TANGO6: variants seen among roughly 807,000 people sequenced by gnomAD.
TANGO6 encodes the protein transport and golgi organization 6 homolog.
A neutral mutation model predicts 114.2 loss-of-function variants in TANGO6; 90 were observed. That is an observed-to-expected ratio of 0.79 (90% CI 0.66 to 0.94). TANGO6 has a LOEUF of 0.94. Among genes scored for constraint, TANGO6 ranks in the 40% least tolerant of loss-of-function variants. TANGO6 has a pLI of 0.00. For synonymous variants in TANGO6, 477 were observed against 509.8 expected, an observed-to-expected ratio of 0.94 and a Z score of 0.87; for missense variants, 1,274 against 1,315.3, an observed-to-expected ratio of 0.97 and a Z score of 0.49.
chr16:69,014,479 C>G (rs1382064167), intron 15 of TANGO6, among the ~76,000 whole-genome samples: 1 of 152,164 alleles, frequency 6.6e-6, no homozygotes, highest in African/African-American at 2.4e-5. Flanking sequence ...GCCTGAATCA[C>G]ATGGGGAGGG....
chr16:68,947,283 G>A (rs551669072), intron 14 of TANGO6, among the ~76,000 whole-genome samples: 34 of 151,988 alleles, frequency 2.2e-4, no homozygotes, highest in East Asian at 7.8e-4. Context: ...TGGTGAAACC[G>A]TCTCTACTAA....
At chr16:69,039,420 A>G (rs1381107285) in intron 16 of TANGO6, among the ~76,000 whole-genome samples, 1 of 152,096 alleles carries the variant, frequency 6.6e-6, no homozygotes, top group African/African-American at 2.4e-5. Flanking sequence ...AGGATTGCAT[A>G]AGCCCAGGGG....
At chr16:69,012,745 G>A (rs1287541599) in intron 15 of TANGO6, among the ~76,000 whole-genome samples, 1 of 152,136 alleles carries the variant, frequency 6.6e-6, no homozygotes, top group Non-Finnish European at 1.5e-5. Context: ...GTCATTTAAT[G>A]CATATCTTTA....
chr16:68,990,790 T>C (rs1963939866), intron 15 of TANGO6, among the ~76,000 whole-genome samples: 2 of 152,176 alleles, frequency 1.3e-5, no homozygotes, highest in Non-Finnish European at 2.9e-5. Context: ...AGGATACATA[T>C]GCTGTGTTAA....
intron 1 of TANGO6, among the ~76,000 whole-genome samples, chr16:68,846,150 C>T (rs1238351063): frequency 2.6e-5 from 4 of 152,066 alleles, no homozygotes; most frequent in African/African-American, 4.8e-5. Flanking sequence ...CTCAGCCTCC[C>T]GAGTAGCTGG....
At chr16:68,875,681 A>G (rs1449204567) in intron 5 of TANGO6, among the ~76,000 whole-genome samples, 1 of 151,950 alleles carries the variant, frequency 6.6e-6, no homozygotes, top group Non-Finnish European at 1.5e-5. Flanking sequence ...AGGCAGGAGA[A>G]CGGATTGAAC....
At chr16:69,000,185 A>G (rs933907735) in intron 15 of TANGO6, among the ~76,000 whole-genome samples, 2 of 152,216 alleles carry the variant, frequency 1.3e-5, no homozygotes, top group Non-Finnish European at 2.9e-5. Context: ...CATACCAGTA[A>G]CACATTTATA....
At chr16:69,073,960 TAAAAA>T (rs145298162) in intron 17 of TANGO6, among the ~76,000 whole-genome samples, 2 of 131,636 alleles carry the variant, frequency 1.5e-5, no homozygotes, top group African/African-American at 2.8e-5. Flanking sequence ...GACTCCATCT[TAAAAA>T]AAAAAAAAAA....
chr16:68,900,762 C>T (rs959773267), intron 8 of TANGO6, among the ~76,000 whole-genome samples: 16 of 152,150 alleles, frequency 1.1e-4, no homozygotes, highest in Non-Finnish European at 2.1e-4. Flanking sequence ...AATGACTTTC[C>T]TCAGCCTCTG....
chr16:68,953,027 G>A (rs1963486396), intron 14 of TANGO6, among the ~76,000 whole-genome samples: 2 of 148,848 alleles, frequency 1.3e-5, no homozygotes, highest in Non-Finnish European at 3.0e-5. Context: ...GGCTTAAAAT[G>A]TTCATTCACT....
chr16:69,079,553 C>T (rs1960436006), intron 17 of TANGO6, among the ~76,000 whole-genome samples: 1 of 151,080 alleles, frequency 6.6e-6, no homozygotes, highest in Non-Finnish European at 1.5e-5. Flanking sequence ...ATATTTGCAA[C>T]TCATATGACA....
At chr16:68,999,754 T>G (rs9889174) in intron 15 of TANGO6, among the ~76,000 whole-genome samples, 13,036 of 152,214 alleles carry the variant, frequency 0.086, 640 homozygotes, top group African/African-American at 0.12. Flanking sequence ...ACAGAAAGGA[T>G]CAGCAGTGTT....
chr16:68,946,588 A>T (rs1292171086), intron 14 of TANGO6, among the ~76,000 whole-genome samples: 2 of 151,952 alleles, frequency 1.3e-5, no homozygotes, highest in African/African-American at 2.4e-5. Context: ...CCCCAGGCTT[A>T]CTACAGCCTT....
At chr16:68,868,152 A>G (rs1962209486) in intron 4 of TANGO6, among the ~76,000 whole-genome samples, 1 of 151,884 alleles carries the variant, frequency 6.6e-6, no homozygotes. Flanking sequence ...CTCAAAAAAA[A>G]AAAAAAAAAG....
chr16:68,872,532 C>A (rs961592793), intron 4 of TANGO6, among the ~76,000 whole-genome samples: 1 of 151,870 alleles, frequency 6.6e-6, no homozygotes. Flanking sequence ...GAACTCCTGA[C>A]CTCAGGTGAT....
In TANGO6 at chr16:68,970,054, C is replaced by T. The variant is rs1009655330; in HGVS notation, c.2702-3974C>T. Among the ~76,000 whole-genome samples, 4 of 152,124 alleles carry T rather than the reference C, an allele frequency of 2.6e-5. No individual in the cohort carries two copies. The East Asian group carries it at 7.7e-4, about 29-fold the overall frequency. ...GGGTTTCAGGATCGAATCTCATTCC[C>T]TGTTCCTGAACCAGTCATGGTGGTG... On this transcript the variant is annotated intron_variant, in intron 14 of 17. Coordinates refer to ENST00000261778, the MANE Select transcript of TANGO6 (RefSeq NM_024562.2).
intron 2 of TANGO6, among the ~76,000 whole-genome samples, chr16:68,862,301 G>A (rs1193654484): frequency 2.0e-5 from 3 of 152,060 alleles, no homozygotes; most frequent in Admixed American, 1.3e-4. Flanking sequence ...TGTAACCTCC[G>A]CCTCCCGGGT....
At chr16:68,978,644 C>T (rs1428293282) in intron 15 of TANGO6, among the ~76,000 whole-genome samples, 1 of 152,054 alleles carries the variant, frequency 6.6e-6, no homozygotes, top group Non-Finnish European at 1.5e-5. Context: ...CTTGGTAAAG[C>T]TTCTCTAATA....
chr16:68,852,872 T>G (rs1961928219), intron 1 of TANGO6, among the ~76,000 whole-genome samples: 1 of 152,032 alleles, frequency 6.6e-6, no homozygotes, highest in African/African-American at 2.4e-5. Flanking sequence ...AAGAATTATA[T>G]GGCGAACACC....
Sources: gnomAD v4.1 joint callset for allele counts (sites outside exome capture counted in the v4.1 genomes callset) on GRCh38, gnomAD v4.1.1 for gene constraint, MANE v1.5 for transcripts, NCBI Gene and HGNC (gene_info 2026-07-23, HGNC 2026-07-21) for gene names.